Variants in PPP3CC observed in about 807,000 individuals in gnomAD.
The protein encoded by PPP3CC is protein phosphatase 3 catalytic subunit gamma.
A neutral mutation model predicts 60.3 loss-of-function variants in PPP3CC; 35 were observed. The observed-to-expected ratio is 0.58, with a 90% CI of 0.44 to 0.77. The LOEUF is 0.77. PPP3CC is among the 30% of genes least tolerant of loss of function. The probability of loss-of-function intolerance (pLI) is 0.00; values close to 1 mark genes in which losing one functional copy is unlikely to be tolerated. For synonymous variants in PPP3CC, 206 were observed against 224.3 expected, an observed-to-expected ratio of 0.92 and a Z score of 0.73; for missense variants, 570 against 628.9, an observed-to-expected ratio of 0.91 and a Z score of 1.00.
chr8:22,474,679 G>C (rs879844017), intron 1 of PPP3CC, among the ~76,000 whole-genome samples: 2 of 152,046 alleles, frequency 1.3e-5, no homozygotes, highest in African/African-American at 4.8e-5. Flanking sequence ...ATTCCAGCCT[G>C]GGTTGACAGA....
At position 22,472,363 on chromosome 8, in the gene PPP3CC, A is replaced by AACACACACACACACACACACAC. The variant is rs71546810; in HGVS notation, c.50-2568_50-2547dup. On this transcript the variant is annotated intron_variant, in intron 1 of 13. Coordinates refer to ENST00000240139, the MANE Select transcript of PPP3CC (RefSeq NM_005605.5). ...CTTTTAGAATATTTTGGTAAAAATG[A>AACACACACACACACACACACAC]ACACACACACACACACACACACACA... Among the ~76,000 whole-genome samples the AACACACACACACACACACACAC allele has an allele frequency of 4.6e-3, 584 of 125,688 alleles. 6 individuals carry two copies. The highest frequency in any genetic ancestry group is 8.0e-3 in the African/African-American group (258 of 32,448). The allele number at this position is 125,688 out of a possible 152,430, so 82.5% of individuals were successfully genotyped here. A position where few individuals can be genotyped will look rare whatever the true frequency, so the allele number is the denominator to read the frequency against.
At chr8:22,475,270 A>T in intron 2 of PPP3CC, 119 bp downstream of exon 2, 2 of 1,058,970 alleles carry the variant, frequency 1.9e-6, no homozygotes, top group Non-Finnish European at 2.7e-6. Flanking sequence ...AAATTATGAG[A>T]CAGTCAGGAT....
intron 4 of PPP3CC, among the ~76,000 whole-genome samples, chr8:22,504,526 C>T (rs1838853638): frequency 6.6e-6 from 1 of 152,084 alleles, no homozygotes; most frequent in Non-Finnish European, 1.5e-5. Flanking sequence ...TGAACTTGAA[C>T]TCCCCAAAGG....
intron 12 of PPP3CC, among the ~76,000 whole-genome samples, chr8:22,537,381 G>A (rs931382826): frequency 5.9e-5 from 9 of 152,186 alleles, no homozygotes. Context: ...CAGTAGGATG[G>A]CTGTGAAAAG....
At chr8:22,449,538 A>T (rs1836942049) in intron 1 of PPP3CC, among the ~76,000 whole-genome samples, 1 of 151,632 alleles carries the variant, frequency 6.6e-6, no homozygotes, top group Non-Finnish European at 1.5e-5. Flanking sequence ...AGGATTCCAT[A>T]GTGTCTTAAT....
chr8:22,461,324 G>T (rs957138039), intron 1 of PPP3CC, among the ~76,000 whole-genome samples: 3 of 152,110 alleles, frequency 2.0e-5, no homozygotes, highest in African/African-American at 7.2e-5. Flanking sequence ...ACTGCTGGCT[G>T]GTTTTCTAGA....
chr8:22,483,119 G>A (rs1838117130), intron 3 of PPP3CC, among the ~76,000 whole-genome samples: 1 of 152,178 alleles, frequency 6.6e-6, no homozygotes, highest in African/African-American at 2.4e-5. Context: ...TCAGAATTAA[G>A]TATCAAAACC....
chr8:22,534,438 A>T (rs1253019316), intron 12 of PPP3CC, among the ~76,000 whole-genome samples: 2 of 149,766 alleles, frequency 1.3e-5, no homozygotes, highest in Non-Finnish European at 3.0e-5. Flanking sequence ...AAAAAAAAAG[A>T]GTCTGACAAT....
In PPP3CC at chr8:22,531,694, G is replaced by A. The variant is rs574687022; in HGVS notation, c.1142-531G>A. Among the ~76,000 whole-genome samples the A allele has an allele frequency of 7.2e-5, 11 of 152,316 alleles. No homozygotes were observed. In the East Asian group the frequency reaches 1.3e-3, roughly 19 times the overall value. On this transcript the variant is annotated intron_variant, in intron 10 of 13. Transcript: ENST00000240139. ...ATAGTGCACAGTTGTAAGTAGTATCGTGAGGCAATAACTCACTAATATAAG... is the reference window on the plus strand; with the variant it reads ...ATAGTGCACAGTTGTAAGTAGTATCATGAGGCAATAACTCACTAATATAAG...
chr8:22,477,835 ATATTTATTTATT>A (rs373116798), intron 3 of PPP3CC, among the ~76,000 whole-genome samples: 1 of 151,250 alleles, frequency 6.6e-6, no homozygotes, highest in Non-Finnish European at 1.5e-5. Flanking sequence ...AACTTTTAAA[ATATTTATTTATT>A]TATTTATTTA....
chr8:22,520,489 C>T (rs2117115216), intron 6 of PPP3CC, among the ~76,000 whole-genome samples: 1 of 152,192 alleles, frequency 6.6e-6, no homozygotes, highest in East Asian at 1.9e-4. Context: ...GTATACTTTC[C>T]ACATTCTTTT....
intron 1 of PPP3CC, among the ~76,000 whole-genome samples, chr8:22,453,079 C>T (rs901641064): frequency 1.3e-5 from 2 of 152,064 alleles, no homozygotes; most frequent in Non-Finnish European, 2.9e-5. Context: ...GATTACCAGC[C>T]GTGTGGCCTT....
chr8:22,466,015 G>A (rs1480082273), intron 1 of PPP3CC, among the ~76,000 whole-genome samples: 1 of 151,954 alleles, frequency 6.6e-6, no homozygotes, highest in Non-Finnish European at 1.5e-5. Context: ...CAGCCCCAGT[G>A]TGTGATGTTC....
intron 3 of PPP3CC, among the ~76,000 whole-genome samples, chr8:22,488,601 G>A (rs1360785710): frequency 6.6e-6 from 1 of 152,182 alleles, no homozygotes; most frequent in Admixed American, 6.5e-5. Context: ...GGATCTAACA[G>A]GGAGATGCAC....
intron 1 of PPP3CC, among the ~76,000 whole-genome samples, chr8:22,450,803 A>T (rs769840299): frequency 5.2e-3 from 164 of 31,274 alleles, no homozygotes; most frequent in African/African-American, 0.011. Context: ...CTTTATTTTT[A>T]TTTATTTATT....
chr8:22,491,732 A>G (rs1349782939), intron 3 of PPP3CC, among the ~76,000 whole-genome samples: 1 of 152,170 alleles, frequency 6.6e-6, no homozygotes, highest in East Asian at 1.9e-4. Flanking sequence ...TTTTAGAGCT[A>G]GTATTTTGTT....
intron 4 of PPP3CC, among the ~76,000 whole-genome samples, chr8:22,504,382 A>G (rs1838850478): frequency 2.0e-5 from 3 of 152,042 alleles, no homozygotes. Context: ...GCTCACTGCA[A>G]CTTTGAACTC....
At chr8:22,450,840 TTTATTTATTTA>T (rs1420888501) in intron 1 of PPP3CC, among the ~76,000 whole-genome samples, 10 of 145,860 alleles carry the variant, frequency 6.9e-5, no homozygotes, top group Non-Finnish European at 1.3e-4. Flanking sequence ...TATTTATTTA[TTTATTTATTTA>T]TTGAGACGGA....
intron 1 of PPP3CC, among the ~76,000 whole-genome samples, chr8:22,473,103 G>C (rs1837779548): frequency 6.6e-6 from 1 of 152,046 alleles, no homozygotes; most frequent in Non-Finnish European, 1.5e-5. Flanking sequence ...ACTTATAATA[G>C]GACTTTCTTT....
Sources: allele counts gnomAD v4.1 joint callset (sites outside exome capture counted in the v4.1 genomes callset), GRCh38; gene constraint gnomAD v4.1.1; transcripts MANE v1.5; gene names NCBI Gene and HGNC (gene_info 2026-07-23, HGNC 2026-07-21).